NHSL2: variants seen among roughly 807,000 people sequenced by gnomAD.
NHSL2 encodes the protein NHS like 2.
In NHSL2, 27 loss-of-function variants were observed where a neutral mutation model predicts 53.4. The ratio of observed to expected loss-of-function variants is 0.51; its 90% CI spans 0.37 to 0.70. The LOEUF (loss-of-function observed/expected upper bound fraction) is 0.70. NHSL2 is among the 30% of genes least tolerant of loss of function. The pLI is 0.00. For synonymous variants in NHSL2, 408 were observed against 404.1 expected, an observed-to-expected ratio of 1.01 and a Z score of -0.12; for missense variants, 892 against 980.1, an observed-to-expected ratio of 0.91 and a Z score of 1.20.
At chrX:72,095,341 T>C (rs924336651) in intron 1 of NHSL2, among the ~76,000 whole-genome samples, 10 of 112,550 alleles carry the variant, frequency 8.9e-5, no homozygotes, top group African/African-American at 3.2e-4. Flanking sequence ...TGAGATGTGA[T>C]AGACCAAGGT....
At chrX:71,932,560 G>A (rs1362128127) in intron 1 of NHSL2, among the ~76,000 whole-genome samples, 5 of 111,611 alleles carry the variant, frequency 4.5e-5, no homozygotes, top group Non-Finnish European at 9.4e-5. Flanking sequence ...GATGAAGGTG[G>A]CGATGGCAAC....
At chrX:71,998,002 T>C (rs1045794067) in intron 1 of NHSL2, among the ~76,000 whole-genome samples, 11 of 112,378 alleles carry the variant, frequency 9.8e-5, no homozygotes, top group African/African-American at 3.2e-4. Flanking sequence ...CTTGTAAGGT[T>C]CAAGTTCTAA....
chrX:72,051,993 C>T (rs1442355867), intron 1 of NHSL2, among the ~76,000 whole-genome samples: 1 of 112,463 alleles, frequency 8.9e-6, no homozygotes, highest in Admixed American at 9.4e-5. Flanking sequence ...ATTTATTTCT[C>T]TATTATAGTA....
rs1240290854 is a variant in NHSL2 at position 71,911,240 on chromosome X, C to G, written c.153C>G (p.Leu51=). 2 of 1,148,258 alleles carry G rather than the reference C, an allele frequency of 1.7e-6. No individual in the cohort carries two copies. Among genetic ancestry groups the G allele is most frequent in the Non-Finnish European group, 2.3e-6 (2 of 868,995 alleles). 94.6% of individuals were successfully genotyped at this position (1,148,258 alleles called of 1,213,427 possible). The change falls in exon 1 of 8, where the codon CTC becomes CTG. Residue 51 remains leucine, a synonymous_variant. Coordinates refer to ENST00000633930, the MANE Select transcript of NHSL2 (RefSeq NM_001013627.3). ...TCTGTGGCCACTCGTTGGCTCTGCT[C>G]GAGGACCTCGAGGGGCACCTGCTGG... ...ADLCGHSLAL[L]EDLEGHLLAL...
intron 1 of NHSL2, among the ~76,000 whole-genome samples, chrX:71,951,156 A>G (rs1036468787): frequency 1.3e-4 from 15 of 111,208 alleles, no homozygotes; most frequent in Non-Finnish European, 2.8e-4. Context: ...CAAATTGACA[A>G]TCTCCAACTC....
chrX:72,062,946 G>A (rs1434731090), intron 1 of NHSL2, among the ~76,000 whole-genome samples: 1 of 112,089 alleles, frequency 8.9e-6, no homozygotes, highest in Non-Finnish European at 1.9e-5. Context: ...GAGGTAATTA[G>A]GTTCATATGT....
intron 1 of NHSL2, among the ~76,000 whole-genome samples, chrX:72,102,616 A>G (rs918593527): frequency 8.9e-6 from 1 of 112,551 alleles, no homozygotes; most frequent in African/African-American, 3.2e-5. Flanking sequence ...TCAACCTAAT[A>G]TATAAAGTAG....
At chrX:72,103,129 A>G (rs1467743494) in intron 1 of NHSL2, among the ~76,000 whole-genome samples, 2 of 112,269 alleles carry the variant, frequency 1.8e-5, no homozygotes, top group Admixed American at 1.9e-4. Flanking sequence ...AGTGGCAGCT[A>G]TCAAGCCCAG....
chrX:71,967,519 C>T (rs1602284829), intron 1 of NHSL2, among the ~76,000 whole-genome samples: 2 of 111,237 alleles, frequency 1.8e-5, no homozygotes, highest in East Asian at 5.6e-4. Flanking sequence ...TTGTATTTCT[C>T]TTGAGATTTT....
At chrX:72,020,015 A>G (rs1323048940) in intron 1 of NHSL2, among the ~76,000 whole-genome samples, 1 of 111,941 alleles carries the variant, frequency 8.9e-6, no homozygotes, top group African/African-American at 3.3e-5. Flanking sequence ...CCTGAATCCT[A>G]TCCCCATAGG....
intron 1 of NHSL2, among the ~76,000 whole-genome samples, chrX:71,990,804 C>G (rs1469543482): frequency 1.8e-5 from 2 of 112,146 alleles, no homozygotes; most frequent in Non-Finnish European, 3.8e-5. Context: ...ATCCAAATGC[C>G]TCAGCCTGGT....
intron 1 of NHSL2, among the ~76,000 whole-genome samples, chrX:72,063,039 T>C (rs1471606804): frequency 8.9e-6 from 1 of 112,033 alleles, no homozygotes; most frequent in East Asian, 2.8e-4. Flanking sequence ...CAGCACTCTT[T>C]CCCTTGTGTC....
At chrX:72,087,364 A>T (rs1032183895) in intron 1 of NHSL2, among the ~76,000 whole-genome samples, 5 of 112,189 alleles carry the variant, frequency 4.5e-5, no homozygotes, top group African/African-American at 1.6e-4. Context: ...AGAGGGAGAA[A>T]TAGGAAATTA....
chrX:72,056,221 T>C (rs2042368528), intron 1 of NHSL2, among the ~76,000 whole-genome samples: 1 of 112,086 alleles, frequency 8.9e-6, no homozygotes, highest in African/African-American at 3.3e-5. Flanking sequence ...GCAATTCTAC[T>C]CTTAGAAATG....
At chrX:71,943,580 T>C (rs1301829018) in intron 1 of NHSL2, among the ~76,000 whole-genome samples, 1 of 112,941 alleles carries the variant, frequency 8.9e-6, no homozygotes, top group Admixed American at 9.3e-5. Context: ...CTAAAATAGT[T>C]TCTTCAGTCC....
At chrX:72,026,265 A>G (rs1304101080) in intron 1 of NHSL2, among the ~76,000 whole-genome samples, 1 of 111,807 alleles carries the variant, frequency 8.9e-6, no homozygotes, top group Non-Finnish European at 1.9e-5. Context: ...ATCCCAGACT[A>G]TTGGAATCTG....
rs2042512318 is a variant in NHSL2 at position 72,151,345 on chromosome X, A to C, written c.*7771A>C. The C allele has an allele frequency of 8.9e-6, 1 of 111,842 alleles. No homozygotes were observed. Among genetic ancestry groups the C allele is most frequent in the Admixed American group, 9.5e-5 (1 of 10,531 alleles). The allele number at this position is 111,842 out of a possible 1,213,427, so 9.2% of individuals were successfully genotyped here. A position where few individuals can be genotyped will look rare whatever the true frequency, so the allele number is the denominator to read the frequency against. On this transcript the variant is annotated 3_prime_UTR_variant, in exon 8 of 8. Coordinates refer to ENST00000633930, the MANE Select transcript of NHSL2 (RefSeq NM_001013627.3). ...TGCCAATATAAACTATTCTTAGCTC[A>C]TGGGCTATGCAAAGCCTTAGGCTGA...
Position 72,098,424 on chromosome X carries a change from CA to C in NHSL2, c.281-33648del, listed in dbSNP as rs1245029715. ...TGAAACCCCGTCTCTACTAAAAATA[CA>C]AAAAAATTAGCCGGGCGTGGTGGCG... is the stretch of plus-strand genomic sequence containing the variant. On this transcript the variant is annotated intron_variant, in intron 1 of 7. Transcript: ENST00000633930. Among the ~76,000 whole-genome samples, 10 of 109,773 alleles carry C rather than the reference CA, an allele frequency of 9.1e-5. No individual in the cohort carries two copies. The East Asian group carries it at 1.1e-3, about 12-fold the overall frequency.
At chrX:71,978,002 C>T (rs780262584) in intron 1 of NHSL2, among the ~76,000 whole-genome samples, 11 of 110,795 alleles carry the variant, frequency 9.9e-5, no homozygotes, top group Non-Finnish European at 1.7e-4. Context: ...TCTGTGTGGC[C>T]ATGGGAAGTT....
Sources: allele counts gnomAD v4.1 joint callset (sites outside exome capture counted in the v4.1 genomes callset), GRCh38; gene constraint gnomAD v4.1.1; transcripts MANE v1.5; gene names NCBI Gene and HGNC (gene_info 2026-07-23, HGNC 2026-07-21).